The following ZNRF2 variants were observed in gnomAD, a reference collection of about 807,000 sequenced individuals.
ZNRF2 encodes the protein E3 ubiquitin-protein ligase ZNRF2.
Under a neutral mutation model 20.4 loss-of-function variants are expected in ZNRF2, and 16 were observed. The observed-to-expected ratio is 0.79, with a 90% CI of 0.53 to 1.19. The LOEUF (loss-of-function observed/expected upper bound fraction) is 1.19, where lower values mean the gene tolerates loss of function less well. ZNRF2 is among the 50% of genes most tolerant of loss of function. The pLI, the probability that ZNRF2 is intolerant of heterozygous loss-of-function variation, is 0.00. For missense variants in ZNRF2, 363 were observed against 332.4 expected (o/e 1.09, Z -0.72); for synonymous variants, 178 against 144.9 (o/e 1.23, Z -1.64).
At chr7:30,296,623 ACTT>A (rs1799024244) in intron 1 of ZNRF2, among the ~76,000 whole-genome samples, 1 of 152,154 alleles carries the variant, frequency 6.6e-6, no homozygotes, top group Non-Finnish European at 1.5e-5. Flanking sequence ...CTATCATAGC[ACTT>A]CTTCAAAAAC....
intron 1 of ZNRF2, among the ~76,000 whole-genome samples, chr7:30,314,823 A>ATT (rs549873870): frequency 1.4e-5 from 2 of 144,384 alleles, no homozygotes; most frequent in African/African-American, 5.1e-5. Context: ...GTATGTATGT[A>ATT]TTTTTTTTTT....
rs753943624 is a variant in ZNRF2, at chr7:30,285,792, C to T, written c.435C>T (p.Ser145=). 43 of 1,526,458 alleles carry T rather than the reference C, an allele frequency of 2.8e-5. No homozygotes were observed. Among genetic ancestry groups the T allele is most frequent in the Middle Eastern group, 2.3e-4 (1 of 4,420 alleles). 94.6% of individuals were successfully genotyped at this position (1,526,458 alleles called of 1,614,324 possible). Residue 145 remains serine (S), a synonymous_variant, in exon 1 of 5, where the codon TCC becomes TCT. Transcript: ENST00000323037. ...GCGGGCCGCGCCTGGTGATCGGCTC[C>T]TTACCAGCTCACCTCTCGCCGCACA... The part of the protein sequence containing the change: ...SPGGPRLVIG[S]LPAHLSPHMF...
intron 4 of ZNRF2, among the ~76,000 whole-genome samples, chr7:30,365,802 G>T (rs1382393540): frequency 1.3e-5 from 2 of 152,162 alleles, no homozygotes; most frequent in Non-Finnish European, 2.9e-5. Flanking sequence ...TTATTTGGGA[G>T]AAATATTTTA....
At chr7:30,328,933 G>A (rs1451364272) in intron 2 of ZNRF2, among the ~76,000 whole-genome samples, 1 of 152,070 alleles carries the variant, frequency 6.6e-6, no homozygotes, top group African/African-American at 2.4e-5. Context: ...CAACAACATA[G>A]ATTACCTTCA....
chr7:30,327,143 C>T (rs565935659), intron 2 of ZNRF2, among the ~76,000 whole-genome samples: 196 of 152,190 alleles, frequency 1.3e-3, no homozygotes, highest in Middle Eastern at 3.4e-3. Flanking sequence ...TTAATTAGAT[C>T]CCATTTGTCA....
chr7:30,358,815 C>T (rs180838199), intron 3 of ZNRF2, among the ~76,000 whole-genome samples: 2 of 152,294 alleles, frequency 1.3e-5, no homozygotes, highest in East Asian at 3.9e-4. Flanking sequence ...GCATTTGAAT[C>T]CCAGCTCCTC....
At chr7:30,299,121 A>G (rs1263773451) in intron 1 of ZNRF2, among the ~76,000 whole-genome samples, 1 of 151,548 alleles carries the variant, frequency 6.6e-6, no homozygotes, top group Non-Finnish European at 1.5e-5. Context: ...ATAATAATTC[A>G]CTCCTATAAA....
At chr7:30,342,835 G>T (rs1406290704) in intron 2 of ZNRF2, among the ~76,000 whole-genome samples, 2 of 151,670 alleles carry the variant, frequency 1.3e-5, no homozygotes, top group Non-Finnish European at 2.9e-5. Context: ...GTATTTTGGG[G>T]GTGTCTTTTT....
intron 2 of ZNRF2, among the ~76,000 whole-genome samples, chr7:30,349,507 C>T (rs1799931752): frequency 6.6e-6 from 1 of 151,888 alleles, no homozygotes; most frequent in Admixed American, 6.6e-5. Context: ...TACCACTACC[C>T]TGTGAGGTAG....
At chr7:30,302,698 A>G (rs1009910507) in intron 1 of ZNRF2, among the ~76,000 whole-genome samples, 5 of 152,156 alleles carry the variant, frequency 3.3e-5, no homozygotes, top group African/African-American at 1.2e-4. Context: ...CTATGGTAAC[A>G]CATGTATTTT....
chr7:30,288,334 CTG>C (rs1798834166), intron 1 of ZNRF2, among the ~76,000 whole-genome samples: 2 of 152,068 alleles, frequency 1.3e-5, no homozygotes, highest in South Asian at 4.1e-4. Context: ...TTTTGTAAAA[CTG>C]TTGTTTTAAT....
At chr7:30,302,165 A>G (rs1476283640) in intron 1 of ZNRF2, among the ~76,000 whole-genome samples, 4 of 152,318 alleles carry the variant, frequency 2.6e-5, no homozygotes, top group African/African-American at 9.6e-5. Context: ...TTTAAAAATT[A>G]CTGTATGTAG....
intron 3 of ZNRF2, among the ~76,000 whole-genome samples, chr7:30,357,592 A>G (rs964983420): frequency 5.3e-5 from 8 of 152,186 alleles, no homozygotes; most frequent in Non-Finnish European, 8.8e-5. Context: ...AATAGTGAAG[A>G]TCAGAGAAGA....
intron 3 of ZNRF2, among the ~76,000 whole-genome samples, chr7:30,357,078 C>G (rs1268009793): frequency 6.6e-6 from 1 of 152,072 alleles, no homozygotes; most frequent in Non-Finnish European, 1.5e-5. Flanking sequence ...TTTCACTACG[C>G]CTTTCATTGA....
chr7:30,322,070 T>G (rs1002270068), intron 1 of ZNRF2, among the ~76,000 whole-genome samples: 5 of 152,214 alleles, frequency 3.3e-5, no homozygotes, highest in African/African-American at 1.2e-4. Context: ...GAATTTGTGT[T>G]GGGCCACATT....
At chr7:30,315,397 A>C (rs1799353960) in intron 1 of ZNRF2, among the ~76,000 whole-genome samples, 1 of 152,186 alleles carries the variant, frequency 6.6e-6, no homozygotes, top group Non-Finnish European at 1.5e-5. Flanking sequence ...GAGATCTGGT[A>C]GAGAGATGAG....
chr7:30,287,272 G>T (rs1798808890), intron 1 of ZNRF2, among the ~76,000 whole-genome samples: 1 of 152,210 alleles, frequency 6.6e-6, no homozygotes, highest in African/African-American at 2.4e-5. Flanking sequence ...CAGTTTCTGA[G>T]AATTGGTGAT....
chr7:30,318,294 T>G (rs1799409173), intron 1 of ZNRF2, among the ~76,000 whole-genome samples: 1 of 152,174 alleles, frequency 6.6e-6, no homozygotes, highest in Admixed American at 6.5e-5. Context: ...CTGGTTACCT[T>G]TATTTCTCTT....
At chr7:30,349,605 G>T (rs752702169) in intron 2 of ZNRF2, among the ~76,000 whole-genome samples, 1 of 151,538 alleles carries the variant, frequency 6.6e-6, no homozygotes, top group Non-Finnish European at 1.5e-5. Context: ...AAATTGCTAC[G>T]TATTACCCAG....
Sources: allele counts gnomAD v4.1 joint callset (sites outside exome capture counted in the v4.1 genomes callset), GRCh38; gene constraint gnomAD v4.1.1; transcripts MANE v1.5; gene names NCBI Gene and HGNC (gene_info 2026-07-23, HGNC 2026-07-21).